The following OSBPL10 variants were observed in gnomAD, a reference collection of about 807,000 sequenced individuals.
OSBPL10 encodes oxysterol-binding protein-related protein 10.
Under a neutral mutation model 81.7 loss-of-function variants are expected in OSBPL10, and 49 were observed. That is an observed-to-expected ratio of 0.60 (90% CI 0.48 to 0.76). The LOEUF is 0.76. Among genes scored for constraint, OSBPL10 ranks in the 30% least tolerant of loss-of-function variants. The pLI is 0.00. For synonymous variants in OSBPL10, 419 were observed against 383.6 expected, an observed-to-expected ratio of 1.09 and a Z score of -1.08; for missense variants, 923 against 987.8, an observed-to-expected ratio of 0.93 and a Z score of 0.88.
At chr3:32,041,173 G>A (rs932671409) in intron 2 of OSBPL10, among the ~76,000 whole-genome samples, 2 of 152,154 alleles carry the variant, frequency 1.3e-5, no homozygotes, top group East Asian at 3.9e-4. Context: ...AAAAATGAGG[G>A]AGGACTGAAC....
At chr3:31,786,347 C>A (rs938789567) in intron 4 of OSBPL10, among the ~76,000 whole-genome samples, 1 of 152,052 alleles carries the variant, frequency 6.6e-6, no homozygotes, top group Non-Finnish European at 1.5e-5. Context: ...TTTTGAGTCA[C>A]GTTTTAAAAA....
intron 4 of OSBPL10, among the ~76,000 whole-genome samples, chr3:31,807,588 A>C (rs1575557671): frequency 6.7e-6 from 1 of 148,756 alleles, no homozygotes; most frequent in Non-Finnish European, 1.5e-5. Context: ...AAAAAAAAAA[A>C]TTAGCGGGGC....
chr3:31,819,548 C>T (rs1490900547), intron 4 of OSBPL10, among the ~76,000 whole-genome samples: 1 of 152,130 alleles, frequency 6.6e-6, no homozygotes, highest in African/African-American at 2.4e-5. Context: ...CCAGGGGCCA[C>T]GTAGGAGTGA....
At chr3:31,729,456 C>G (rs1696898673) in intron 6 of OSBPL10, among the ~76,000 whole-genome samples, 1 of 152,182 alleles carries the variant, frequency 6.6e-6, no homozygotes, top group South Asian at 2.1e-4. Context: ...GAGTCTTACT[C>G]TGTCGCCCAG....
intron 3 of OSBPL10, among the ~76,000 whole-genome samples, chr3:31,857,799 A>AGGTGGGG (rs1700956499): frequency 1.0e-3 from 1 of 958 alleles, no homozygotes; most frequent in East Asian, 0.026. Context: ...GGAGAGACAG[A>AGGTGGGG]AAGGGAGAGA....
intron 1 of OSBPL10, among the ~76,000 whole-genome samples, chr3:31,881,022 T>TC (rs1161510552): frequency 1.3e-5 from 2 of 152,146 alleles, no homozygotes; most frequent in Non-Finnish European, 2.9e-5. Flanking sequence ...AGAATGCTAC[T>TC]CCCCCTGCCT....
At chr3:31,690,768 T>C (rs17027974) in intron 7 of OSBPL10, among the ~76,000 whole-genome samples, 5,535 of 152,258 alleles carry the variant, frequency 0.036, 336 homozygotes, top group African/African-American at 0.13. Flanking sequence ...CATCTTCTGT[T>C]GTGTGTTTCA....
In OSBPL10 at chr3:31,677,238, C is replaced by T. The variant is rs116815532; in HGVS notation, c.1727-6255G>A. On this transcript the variant is annotated intron_variant, in intron 8 of 11. Coordinates refer to ENST00000396556, the MANE Select transcript of OSBPL10 (RefSeq NM_017784.5). ...GAGCTCTGAGTGTGGGAGCCAGAAC[C>T]TTCTGCTTCGAAGTTTGGAGATTCT... Among the ~76,000 whole-genome samples, 871 of 152,336 alleles carry T rather than the reference C, an allele frequency of 5.7e-3. 8 individuals carry two copies. The highest frequency in any genetic ancestry group is 0.02 in the African/African-American group (829 of 41,588).
At position 31,965,569 on chromosome 3, in the gene OSBPL10, T is replaced by TTATATAATATATTATATAAATTATATAA. The variant is rs1559534932; in HGVS notation, c.281+15329_281+15330insTTATATAATTTATATAATATATTATATA. Among the ~76,000 whole-genome samples the TTATATAATATATTATATAAATTATATAA allele has an allele frequency of 1.7e-4, 13 of 77,432 alleles. 1 individual carries two copies. Among genetic ancestry groups the TTATATAATATATTATATAAATTATATAA allele is most frequent in the Non-Finnish European group, 2.2e-4 (10 of 45,422 alleles). 50.8% of individuals were successfully genotyped at this position (77,432 alleles called of 152,430 possible). On this transcript the variant is annotated intron_variant, in intron 1 of 11. Coordinates refer to ENST00000396556, the MANE Select transcript of OSBPL10 (RefSeq NM_017784.5). ...TATTATATATTATATAAATTATATA[T>TTATATAATATATTATATAAATTATATAA]TATATAATATATTATATAAATTATA... is the stretch of plus-strand genomic sequence containing the variant.
intron 2 of OSBPL10, among the ~76,000 whole-genome samples, chr3:32,027,905 C>A (rs1687214846): frequency 1.3e-5 from 2 of 152,324 alleles, no homozygotes; most frequent in South Asian, 4.1e-4. Flanking sequence ...GAGCTTCTTC[C>A]TTCTTGATCT....
chr3:32,069,461 T>A (rs1047961248), intron 1 of OSBPL10, among the ~76,000 whole-genome samples: 3 of 152,062 alleles, frequency 2.0e-5, no homozygotes, highest in Admixed American at 1.3e-4. Context: ...TTATAAGCTG[T>A]TAATTATGAC....
intron 4 of OSBPL10, among the ~76,000 whole-genome samples, chr3:31,752,255 C>T (rs955948991): frequency 6.6e-6 from 1 of 152,188 alleles, no homozygotes; most frequent in African/African-American, 2.4e-5. Flanking sequence ...ACCCCAAATA[C>T]TTCCTCCAAG....
At chr3:31,987,518 G>A (rs7612481) in intron 2 of OSBPL10, among the ~76,000 whole-genome samples, 54,160 of 152,114 alleles carry the variant, frequency 0.36, 13,316 homozygotes, top group African/African-American at 0.69. Flanking sequence ...ATTAACCCCC[G>A]GAAAGTCTGA....
chr3:31,871,463 A>C (rs543918801), intron 3 of OSBPL10, among the ~76,000 whole-genome samples: 2 of 152,324 alleles, frequency 1.3e-5, no homozygotes, highest in South Asian at 4.1e-4. Flanking sequence ...CACTCACCGC[A>C]AGGGTCCACG....
intron 4 of OSBPL10, among the ~76,000 whole-genome samples, chr3:31,806,307 A>G (rs925270385): frequency 3.3e-5 from 5 of 152,038 alleles, no homozygotes; most frequent in African/African-American, 9.7e-5. Context: ...CCAAATCACC[A>G]TTTTCCTACT....
Position 31,792,740 on chromosome 3 carries a change from AGTGTGTGTGTGTGTGT to A in OSBPL10, c.729+37284_729+37299del, listed in dbSNP as rs10575874. Reference sequence around the variant, plus strand: ...TACACTCTCAGCTATCCAGACACAGAGTGTGTGTGTGTGTGTGTGTGTGTGTGTGTGTGTGTAAAAA... The same window carrying A: ...TACACTCTCAGCTATCCAGACACAGAGTGTGTGTGTGTGTGTGTGTAAAAA... On this transcript the variant is annotated intron_variant, in intron 4 of 11. Transcript: ENST00000396556. Among the ~76,000 whole-genome samples, 27 of 133,606 alleles carry A rather than the reference AGTGTGTGTGTGTGTGT, an allele frequency of 2.0e-4. 1 individual carries two copies. Among genetic ancestry groups the A allele is most frequent in the Admixed American group, 6.1e-4 (8 of 13,020 alleles). 87.7% of individuals were successfully genotyped at this position (133,606 alleles called of 152,430 possible).
At chr3:32,040,488 A>C (rs1699565265) in intron 2 of OSBPL10, among the ~76,000 whole-genome samples, 1 of 152,090 alleles carries the variant, frequency 6.6e-6, no homozygotes, top group Non-Finnish European at 1.5e-5. Context: ...AGACAGGAGC[A>C]TGACTTGAAC....
chr3:31,934,835 T>A (rs1697342472), intron 1 of OSBPL10, among the ~76,000 whole-genome samples: 1 of 152,162 alleles, frequency 6.6e-6, no homozygotes, highest in Non-Finnish European at 1.5e-5. Context: ...CACCCTGGTA[T>A]GAGTTACAAT....
chr3:31,830,342 G>C, intron 3 of OSBPL10, 111 bp from the exon 4 acceptor site: 2 of 1,128,472 alleles, frequency 1.8e-6, no homozygotes, highest in Non-Finnish European at 2.5e-6. Flanking sequence ...TCTCTTTAGG[G>C]AGCTGAAGGT....
Sources: gnomAD v4.1 joint callset for allele counts (sites outside exome capture counted in the v4.1 genomes callset) on GRCh38, gnomAD v4.1.1 for gene constraint, MANE v1.5 for transcripts, NCBI Gene and HGNC (gene_info 2026-07-23, HGNC 2026-07-21) for gene names.